Variants in AQP8 observed in about 807,000 individuals in gnomAD.
AQP8 encodes the protein aquaporin 8, also known as aquaporin-8.
A neutral mutation model predicts 26.1 loss-of-function variants in AQP8; 14 were observed. That is an observed-to-expected ratio of 0.54 (90% CI 0.35 to 0.84). The LOEUF (loss-of-function observed/expected upper bound fraction) is 0.84, where lower values mean the gene tolerates loss of function less well. Among genes scored for constraint, AQP8 ranks in the 40% least tolerant of loss-of-function variants. The probability of loss-of-function intolerance (pLI) is 0.01; values close to 1 mark genes in which losing one functional copy is unlikely to be tolerated. For synonymous variants in AQP8, 131 were observed against 150.7 expected, an observed-to-expected ratio of 0.87 and a Z score of 0.96; for missense variants, 301 against 340.5, an observed-to-expected ratio of 0.88 and a Z score of 0.91.
In AQP8 at chr16:25,224,361, G is replaced by C; in HGVS notation, c.388-1G>C. On this transcript the variant is annotated splice_acceptor_variant, in intron 3 of 5. Coordinates refer to ENST00000219660, the MANE Select transcript of AQP8 (RefSeq NM_001169.3). LOFTEE classifies it high-confidence loss of function. The stretch of plus-strand genomic sequence containing the variant: ...TGAGGCTCAGCAGCTTCTCTGTGCA[G>C]GCGGTGAGTCCTGAGGAGAGGTTCT... 1 of 1,610,282 alleles carries C rather than the reference G, an allele frequency of 6.2e-7. No homozygotes were observed.
At position 25,228,499 on chromosome 16, in the gene AQP8, G is replaced by C. The variant is rs1424787074; in HGVS notation, c.*7G>C. ...CATCCTGAAGGCTCGGTGAAGCAGA[G>C]CTCGTGGGATTCCTGCTGCTCCAGG... is the stretch of plus-strand genomic sequence containing the variant. On this transcript the variant is annotated 3_prime_UTR_variant, in exon 6 of 6. Coordinates refer to ENST00000219660, the MANE Select transcript of AQP8 (RefSeq NM_001169.3). 1 of 1,614,020 alleles carries C rather than the reference G, an allele frequency of 6.2e-7. No homozygotes were observed. The highest frequency in any genetic ancestry group is 1.1e-5 in the South Asian group (1 of 91,074).
At chr16:25,223,099 T>C (rs1282785762) in intron 3 of AQP8, among the ~76,000 whole-genome samples, 1 of 152,272 alleles carries the variant, frequency 6.6e-6, no homozygotes, top group Admixed American at 6.5e-5. Flanking sequence ...CGGCCTTGTC[T>C]GTGAGCTGGG....
Position 25,224,371 on chromosome 16 carries a change from C to T in AQP8, c.397C>T (p.Pro133Ser), listed in dbSNP as rs370539527. 1.2e-5 allele frequency: 20 copies of T among 1,612,980 alleles called. No homozygotes were observed. In the African/African-American group the frequency reaches 2.0e-4, roughly 16 times the overall value. ...LGAALAKAVS[P>S]EERFWNASGA... ...CAGCTTCTCTGTGCAGGCGGTGAGT[C>T]CTGAGGAGAGGTTCTGGAATGCATC... The change falls in exon 4 of 6, where the codon CCT (proline) becomes TCT (serine). Residue 133 changes from proline to serine, a missense_variant. By Grantham distance (74) the Pro-to-Ser change is moderately conservative (BLOSUM62 -1). Coordinates refer to ENST00000219660, the MANE Select transcript of AQP8 (RefSeq NM_001169.3).
At chr16:25,222,136 G>C (rs1413068701) in intron 3 of AQP8, among the ~76,000 whole-genome samples, 2 of 152,004 alleles carry the variant, frequency 1.3e-5, no homozygotes, top group Non-Finnish European at 2.9e-5. Context: ...TGCAATCATA[G>C]CTCACTGCAG....
rs745598307 is a variant in AQP8, at chr16:25,217,058, GTGAGCCCTC to G, written c.12+4_12+12del. 6.2e-7 allele frequency: 1 copy of G among 1,614,016 alleles called. No homozygotes were observed. Among genetic ancestry groups the G allele is most frequent in the East Asian group, 2.2e-5 (1 of 44,880 alleles). ...CCATCTGATCCTGATGTCTGGAGAG[GTGAGCCCTC>G]TGTCGGCATCTTCCTCTCCAGGCTG... On this transcript the variant is annotated splice_donor_variant and splice_donor_5th_base_variant and intron_variant, in intron 1 of 5. Coordinates refer to ENST00000219660, the MANE Select transcript of AQP8 (RefSeq NM_001169.3). LOFTEE classifies it high-confidence loss of function.
intron 4 of AQP8, 100 bp downstream of exon 4, chr16:25,224,676 G>GC: frequency 8.0e-7 from 1 of 1,251,326 alleles, no homozygotes; most frequent in Non-Finnish European, 1.1e-6. Context: ...TGCTATTAGG[G>GC]GCCAGGAAGG....
intron 2 of AQP8, among the ~76,000 whole-genome samples, chr16:25,220,499 G>A (rs921511215): frequency 2.0e-5 from 3 of 152,152 alleles, no homozygotes; most frequent in Non-Finnish European, 4.4e-5. Flanking sequence ...GAGCCAGGGG[G>A]TGGCTGATCA....
intron 3 of AQP8, among the ~76,000 whole-genome samples, chr16:25,223,034 A>G (rs1034241354): frequency 2.6e-5 from 4 of 152,262 alleles, no homozygotes; most frequent in Non-Finnish European, 4.4e-5. Flanking sequence ...CAGCAACTTT[A>G]TGAAAAACCA....
chr16:25,223,830 CT>C lies in AQP8; in HGVS notation c.388-518del, dbSNP rs112495757. ...TATCCCCATTTTTCTTTTTCTTTTT[CT>C]TTTTTTTTTTTTTGAGACGGAGTCT... On this transcript the variant is annotated intron_variant, in intron 3 of 5. Transcript: ENST00000219660. Among the ~76,000 whole-genome samples, 753 of 144,274 alleles carry C rather than the reference CT, an allele frequency of 5.2e-3. 3 individuals carry two copies. Among genetic ancestry groups the C allele is most frequent in the Non-Finnish European group, 7.5e-3 (488 of 65,254 alleles). 94.6% of individuals were successfully genotyped at this position (144,274 alleles called of 152,430 possible). A position where few individuals can be genotyped will look rare whatever the true frequency, so the allele number is the denominator to read the frequency against.
At chr16:25,220,139 C>G (rs977422702) in intron 2 of AQP8, among the ~76,000 whole-genome samples, 2 of 152,008 alleles carry the variant, frequency 1.3e-5, no homozygotes, top group Non-Finnish European at 2.9e-5. Context: ...GGTAGCTGGT[C>G]TCGAGCTATC....
At chr16:25,226,697 TG>T (rs1262532581) in intron 4 of AQP8, among the ~76,000 whole-genome samples, 1 of 152,224 alleles carries the variant, frequency 6.6e-6, no homozygotes, top group Non-Finnish European at 1.5e-5. Context: ...TTATAATGTG[TG>T]GGCTGGGTTT....
At chr16:25,227,044 A>G (rs760906472) in intron 4 of AQP8, 24 bp from the exon 5 acceptor site, 1 of 1,613,034 alleles carries the variant, frequency 6.2e-7, no homozygotes, top group African/African-American at 1.3e-5. Flanking sequence ...GATCCTGGTG[A>G]CCTTGGTGCC....
At chr16:25,221,645 T>C in intron 3 of AQP8, 62 bp downstream of exon 3, 1 of 1,598,734 alleles carries the variant, frequency 6.3e-7, no homozygotes, top group Non-Finnish European at 8.5e-7. Flanking sequence ...GAGGTGCATA[T>C]GTGGGTGTGT....
chr16:25,220,289 A>T (rs1962543995), intron 2 of AQP8, among the ~76,000 whole-genome samples: 1 of 152,160 alleles, frequency 6.6e-6, no homozygotes, highest in African/African-American at 2.4e-5. Context: ...CTCAAGTGAC[A>T]TGGGGAGTCT....
In AQP8 at chr16:25,217,073, G is replaced by A; in HGVS notation, c.12+16G>A. The A allele has an allele frequency of 6.2e-7, 1 of 1,613,862 alleles. No individual in the cohort carries two copies. ...GTCTGGAGAGGTGAGCCCTCTGTCG[G>A]CATCTTCCTCTCCAGGCTGGCAGAG... On this transcript the variant is annotated intron_variant, in intron 1 of 5. Transcript: ENST00000219660.
At chr16:25,227,620 C>T (rs1312645130) in intron 5 of AQP8, among the ~76,000 whole-genome samples, 1 of 152,074 alleles carries the variant, frequency 6.6e-6, no homozygotes, top group East Asian at 1.9e-4. Context: ...TGCCAAGCAG[C>T]TGGGACTACA....
intron 5 of AQP8, 61 bp downstream of exon 5, chr16:25,227,263 G>A: frequency 6.2e-7 from 1 of 1,607,770 alleles, no homozygotes; most frequent in Non-Finnish European, 8.5e-7. Flanking sequence ...ATCTCCCAGA[G>A]AGTCCGGGAC....
intron 3 of AQP8, among the ~76,000 whole-genome samples, chr16:25,222,836 CCT>C (rs1238130205): frequency 6.6e-6 from 1 of 152,152 alleles, no homozygotes; most frequent in African/African-American, 2.4e-5. Flanking sequence ...AGCCTGTTCC[CCT>C]GTCTATGGAA....
chr16:25,221,658 G>A, intron 3 of AQP8, 75 bp downstream of exon 3: 1 of 1,552,210 alleles, frequency 6.4e-7, no homozygotes, highest in African/African-American at 1.4e-5. Context: ...GGGTGTGTGT[G>A]TGGGACAGTG....
Sources: allele counts gnomAD v4.1 joint callset (sites outside exome capture counted in the v4.1 genomes callset), GRCh38; gene constraint gnomAD v4.1.1; transcripts MANE v1.5; gene names NCBI Gene and HGNC (gene_info 2026-07-23, HGNC 2026-07-21).